Variants in BMAL2 observed in about 807,000 individuals in gnomAD.
The protein encoded by BMAL2 is basic helix-loop-helix ARNT like 2.
the BMAL2 span, among the ~76,000 whole-genome samples, chr12:27,339,388 CTT>C: frequency 6.6e-6 from 1 of 152,124 alleles, no homozygotes; most frequent in East Asian, 1.9e-4. Context: ...GATTCCATGT[CTT>C]TGCTGTTGTG....
the BMAL2 span, among the ~76,000 whole-genome samples, chr12:27,357,357 A>T: frequency 6.6e-6 from 1 of 152,232 alleles, no homozygotes; most frequent in Non-Finnish European, 1.5e-5. Context: ...CTACTGAAAG[A>T]AATCATAAAT....
chr12:27,339,940 T>G, the BMAL2 span, among the ~76,000 whole-genome samples: 17 of 152,338 alleles, frequency 1.1e-4, no homozygotes, highest in African/African-American at 3.8e-4. Flanking sequence ...CACGTTTTAA[T>G]GGAGTTGTTT....
chr12:27,372,137 A>G, the BMAL2 span, among the ~76,000 whole-genome samples: 2 of 151,076 alleles, frequency 1.3e-5, no homozygotes, highest in Non-Finnish European at 2.9e-5. Context: ...AGGCTGAGGC[A>G]GGAGAATTGC....
the BMAL2 span, chr12:27,418,009 A>C: frequency 1.1e-6 from 1 of 928,824 alleles, no homozygotes; most frequent in South Asian, 2.3e-5. Context: ...ATAAAAAATA[A>C]AAAGTAAAAA....
chr12:27,419,246 C>G, the BMAL2 span, among the ~76,000 whole-genome samples: 1 of 152,124 alleles, frequency 6.6e-6, no homozygotes, highest in Non-Finnish European at 1.5e-5. Context: ...TTTTATGCTG[C>G]TATAACAGAA....
At chr12:27,374,285 G>A in the BMAL2 span, among the ~76,000 whole-genome samples, 1 of 151,836 alleles carries the variant, frequency 6.6e-6, no homozygotes, top group African/African-American at 2.4e-5. Context: ...AAAAAAGCAA[G>A]TCTGTATTGG....
the BMAL2 span, among the ~76,000 whole-genome samples, chr12:27,391,934 G>A: frequency 5.9e-5 from 9 of 152,266 alleles, no homozygotes; most frequent in East Asian, 1.9e-4. Context: ...AGTCACAGCC[G>A]AAATAGAGGT....
chr12:27,345,787 AC>A, the BMAL2 span, among the ~76,000 whole-genome samples: 1 of 152,106 alleles, frequency 6.6e-6, no homozygotes, highest in African/African-American at 2.4e-5. Context: ...TACAGGCATG[AC>A]CCACCACACC....
At chr12:27,351,758 C>T in the BMAL2 span, among the ~76,000 whole-genome samples, 2 of 152,182 alleles carry the variant, frequency 1.3e-5, no homozygotes, top group Admixed American at 6.5e-5. Context: ...ACTGACCCAG[C>T]GCTTCCCCTG....
chr12:27,377,486 A>T, the BMAL2 span: 1 of 152,178 alleles, frequency 6.6e-6, no homozygotes, highest in Non-Finnish European at 1.5e-5. Context: ...TACATCCTGG[A>T]GTCAGGAGTC....
At chr12:27,398,000 C>T in the BMAL2 span, among the ~76,000 whole-genome samples, 1 of 152,248 alleles carries the variant, frequency 6.6e-6, no homozygotes, top group Non-Finnish European at 1.5e-5. Context: ...TCCGCCTGAT[C>T]TCCTCTGGTC....
the BMAL2 span, chr12:27,400,742 AGT>A: frequency 3.1e-6 from 5 of 1,611,966 alleles, no homozygotes; most frequent in Non-Finnish European, 4.2e-6. Flanking sequence ...CCCGGTTTGC[AGT>A]GAATGGAAAA....
At chr12:27,421,930 A>G in the BMAL2 span, 1 of 152,218 alleles carries the variant, frequency 6.6e-6, no homozygotes, top group Non-Finnish European at 1.5e-5. Flanking sequence ...TAATTAGGCA[A>G]TTACAGTTAT....
chr12:27,419,265 A>G, the BMAL2 span, among the ~76,000 whole-genome samples: 2 of 152,234 alleles, frequency 1.3e-5, no homozygotes, highest in Non-Finnish European at 2.9e-5. Context: ...AATACCACAG[A>G]TGGAGTAATT....
chr12:27,416,556 T>G, the BMAL2 span, among the ~76,000 whole-genome samples: 1 of 152,220 alleles, frequency 6.6e-6, no homozygotes, highest in African/African-American at 2.4e-5. Context: ...AATTGTAATT[T>G]AGCACAGACA....
At chr12:27,379,688 T>C in the BMAL2 span, among the ~76,000 whole-genome samples, 1 of 152,056 alleles carries the variant, frequency 6.6e-6, no homozygotes, top group Admixed American at 6.5e-5. Flanking sequence ...AAGGTTAATG[T>C]TACAGATGGA....
the BMAL2 span, among the ~76,000 whole-genome samples, chr12:27,350,478 A>G: frequency 6.6e-6 from 1 of 152,192 alleles, no homozygotes; most frequent in African/African-American, 2.4e-5. Context: ...TTGGGAAAAC[A>G]TGAAGATGTT....
At chr12:27,382,675 C>T in the BMAL2 span, among the ~76,000 whole-genome samples, 1 of 152,200 alleles carries the variant, frequency 6.6e-6, no homozygotes, top group African/African-American at 2.4e-5. Flanking sequence ...AGGGTATTGT[C>T]ACAGCATCCC....
At chr12:27,424,039 A>T in the BMAL2 span, 1 of 152,258 alleles carries the variant, frequency 6.6e-6, no homozygotes, top group African/African-American at 2.4e-5. Context: ...TATTAATTAC[A>T]TGTTCAAATG....
Sources: allele counts gnomAD v4.1 joint callset (sites outside exome capture counted in the v4.1 genomes callset), GRCh38; gene constraint gnomAD v4.1.1; transcripts MANE v1.5; gene names NCBI Gene and HGNC (gene_info 2026-07-23, HGNC 2026-07-21).